UBR3: variants seen among roughly 807,000 people sequenced by gnomAD.
The protein encoded by UBR3 is ubiquitin protein ligase E3 component n-recognin 3.
Under a neutral mutation model 243.2 loss-of-function variants are expected in UBR3, and 85 were observed. The ratio of observed to expected loss-of-function variants is 0.35; its 90% CI spans 0.29 to 0.42. UBR3 has a LOEUF of 0.42. UBR3 is among the 10% of genes least tolerant of loss of function. UBR3 has a pLI of 1.00. For missense variants in UBR3, 1,686 were observed against 2,300.8 expected (o/e 0.73, Z 5.47); for synonymous variants, 748 against 799.8 (o/e 0.94, Z 1.09).
chr2:170,076,651 C>G (rs1024300582), intron 36 of UBR3, among the ~76,000 whole-genome samples: 2 of 152,194 alleles, frequency 1.3e-5, no homozygotes, highest in Admixed American at 6.5e-5. Context: ...CATAAAGCTG[C>G]AGCTAATATA....
intron 20 of UBR3, among the ~76,000 whole-genome samples, chr2:169,945,896 C>T (rs2086772936): frequency 6.6e-6 from 1 of 152,110 alleles, no homozygotes; most frequent in African/African-American, 2.4e-5. Context: ...TACTCAGAGG[C>T]TCAGAACTTT....
intron 5 of UBR3, among the ~76,000 whole-genome samples, chr2:169,885,224 T>C (rs377330157): frequency 6.6e-6 from 1 of 152,188 alleles, no homozygotes; most frequent in Non-Finnish European, 1.5e-5. Context: ...TAAAGGAAGA[T>C]AGGATGAGAA....
chr2:169,857,584 TG>T (rs1553494873), intron 1 of UBR3, among the ~76,000 whole-genome samples: 21 of 117,176 alleles, frequency 1.8e-4, no homozygotes, highest in Admixed American at 1.4e-3. Context: ...GTCTGACTAA[TG>T]TTTTTTTTTT....
intron 35 of UBR3, among the ~76,000 whole-genome samples, chr2:170,072,491 A>G (rs1355450063): frequency 2.0e-5 from 3 of 152,108 alleles, no homozygotes; most frequent in Non-Finnish European, 4.4e-5. Flanking sequence ...GTTAATGGGT[A>G]CAGCACATCA....
chr2:170,053,126 G>A (rs895411405), intron 32 of UBR3, among the ~76,000 whole-genome samples: 1 of 152,188 alleles, frequency 6.6e-6, no homozygotes, highest in Non-Finnish European at 1.5e-5. Context: ...CCTTTGAAAG[G>A]CCTGCTTGCA....
At chr2:170,041,021 C>CTATG (rs777493704) in intron 32 of UBR3, 36 bp downstream of exon 32, 2 of 1,557,952 alleles carry the variant, frequency 1.3e-6, no homozygotes, top group Non-Finnish European at 1.8e-6. Context: ...TGATTATATA[C>CTATG]TATGTATTTT....
At chr2:169,971,171 T>C (rs1328739348) in intron 24 of UBR3, among the ~76,000 whole-genome samples, 1 of 151,380 alleles carries the variant, frequency 6.6e-6, no homozygotes, top group African/African-American at 2.4e-5. Flanking sequence ...TTGATGGGGT[T>C]GTTTGTTTTT....
chr2:170,002,567 T>G (rs1010469559), intron 27 of UBR3, among the ~76,000 whole-genome samples: 1 of 152,228 alleles, frequency 6.6e-6, no homozygotes, highest in Non-Finnish European at 1.5e-5. Context: ...CAGTCTTTTC[T>G]TTGCTACTCT....
chr2:169,831,204 G>A (rs2081931865), intron 1 of UBR3, among the ~76,000 whole-genome samples: 2 of 129,212 alleles, frequency 1.5e-5, no homozygotes, highest in South Asian at 5.2e-4. Context: ...GCAGTGGCAC[G>A]ATCTTGGCTC....
intron 10 of UBR3, among the ~76,000 whole-genome samples, chr2:169,912,744 T>C (rs761567413): frequency 6.6e-6 from 1 of 152,056 alleles, no homozygotes; most frequent in Non-Finnish European, 1.5e-5. Flanking sequence ...CTTGGTCTTA[T>C]GGTAACTCTA....
At chr2:169,914,865 TGTGTG>T (rs575612631) in intron 11 of UBR3, among the ~76,000 whole-genome samples, 24 of 146,672 alleles carry the variant, frequency 1.6e-4, no homozygotes, top group South Asian at 6.4e-4. Flanking sequence ...TGTGTGTGTG[TGTGTG>T]TGTTTTTTTT....
intron 20 of UBR3, among the ~76,000 whole-genome samples, chr2:169,944,379 C>G (rs1225969055): frequency 2.0e-5 from 3 of 151,868 alleles, no homozygotes; most frequent in African/African-American, 7.3e-5. Flanking sequence ...ATTAAGGAAG[C>G]CTTATGGCAA....
chr2:170,036,174 T>G (rs1428460893), intron 31 of UBR3, among the ~76,000 whole-genome samples: 1 of 152,092 alleles, frequency 6.6e-6, no homozygotes, highest in South Asian at 2.1e-4. Context: ...TTTTCTTATC[T>G]TGAGGCATTA....
At chr2:169,857,078 T>TTTG (rs1559027133) in intron 1 of UBR3, among the ~76,000 whole-genome samples, 12 of 126,888 alleles carry the variant, frequency 9.5e-5, no homozygotes, top group African/African-American at 1.8e-4. Context: ...TTTTTTTTTT[T>TTTG]TTTTTTTTTT....
chr2:170,071,879 G>A (rs2091704806), intron 35 of UBR3, among the ~76,000 whole-genome samples: 1 of 152,180 alleles, frequency 6.6e-6, no homozygotes, highest in Admixed American at 6.5e-5. Flanking sequence ...TTATGGAGAA[G>A]GCAAATTTGA....
chr2:169,956,083 A>T (rs938202369), intron 23 of UBR3, among the ~76,000 whole-genome samples: 34 of 151,360 alleles, frequency 2.2e-4, no homozygotes, highest in Non-Finnish European at 1.9e-4. Flanking sequence ...CTGTGAGTTC[A>T]CTCTGATACT....
Position 170,041,118 on chromosome 2 carries a change from G to A in UBR3, c.4660+133G>A, listed in dbSNP as rs2090957469. The A allele has an allele frequency of 5.1e-6, 4 of 784,250 alleles. No homozygotes were observed. The South Asian group carries it at 6.4e-5, about 12-fold the overall frequency. 48.6% of individuals were successfully genotyped at this position (784,250 alleles called of 1,614,324 possible). A position where few individuals can be genotyped will look rare whatever the true frequency, so the allele number is the denominator to read the frequency against. ...CGCACTTTAGGAGGCTGAGGTGGGT[G>A]GATTGCTTGAGCACAGGAGCTCGAG... is the stretch of plus-strand genomic sequence containing the variant. On this transcript the variant is annotated intron_variant, in intron 32 of 38. Coordinates refer to ENST00000272793, the MANE Select transcript of UBR3 (RefSeq NM_172070.4).
intron 5 of UBR3, among the ~76,000 whole-genome samples, chr2:169,883,243 G>A (rs1307495120): frequency 6.6e-6 from 1 of 152,070 alleles, no homozygotes; most frequent in Non-Finnish European, 1.5e-5. Context: ...TCACTCATAG[G>A]GCTGATAGTT....
In UBR3 at chr2:170,079,825, C is replaced by A; in HGVS notation, c.5211C>A (p.Ile1737=). 6.2e-7 allele frequency: 1 copy of A among 1,612,982 alleles called. No homozygotes were observed. Among genetic ancestry groups the A allele is most frequent in the African/African-American group, 1.3e-5 (1 of 74,986 alleles). The change falls in exon 37 of 39, where the codon ATC becomes ATA. Residue 1737 remains isoleucine (I), a synonymous_variant. Transcript: ENST00000272793. The part of the protein sequence containing the change: ...RHAEQGKALL[I]QESKWKLPHL... ...GGATAATGTTTTAGGCCTTGCTTATCCAAGAGTCAAAATGGAAATTACCAC... is the reference window on the plus strand; with the variant it reads ...GGATAATGTTTTAGGCCTTGCTTATACAAGAGTCAAAATGGAAATTACCAC...
Sources: allele counts gnomAD v4.1 joint callset (sites outside exome capture counted in the v4.1 genomes callset), GRCh38; gene constraint gnomAD v4.1.1; transcripts MANE v1.5; gene names NCBI Gene and HGNC (gene_info 2026-07-23, HGNC 2026-07-21).